The following TOR3A variants were observed in gnomAD, a reference collection of about 807,000 sequenced individuals.
The protein encoded by TOR3A is torsin family 3 member A.
TOR3A carries 44 observed loss-of-function variants against 42.1 expected under a neutral mutation model. The ratio of observed to expected loss-of-function variants is 1.04; its 90% CI spans 0.82 to 1.34. The LOEUF is 1.34. Ranked by LOEUF, TOR3A falls within the 40% of genes most tolerant of loss-of-function variation. The pLI, the probability that TOR3A is intolerant of heterozygous loss-of-function variation, is 0.00. For synonymous variants in TOR3A, 227 were observed against 213.2 expected, an observed-to-expected ratio of 1.06 and a Z score of -0.57; for missense variants, 521 against 507.6, an observed-to-expected ratio of 1.03 and a Z score of -0.25.
chr1:179,089,005 T>G (rs1652507578), intron 4 of TOR3A, among the ~76,000 whole-genome samples: 1 of 151,996 alleles, frequency 6.6e-6, no homozygotes, highest in Non-Finnish European at 1.5e-5. Flanking sequence ...GCTCACTTTG[T>G]GAGGATGGGG....
rs1652305915 is a variant in TOR3A at position 179,082,238 on chromosome 1, G to A, written c.110G>A (p.Gly37Asp). 3 of 1,525,904 alleles carry A rather than the reference G, an allele frequency of 2.0e-6. No individual in the cohort carries two copies. Among genetic ancestry groups the A allele is most frequent in the South Asian group, 1.2e-5 (1 of 82,204 alleles). 94.5% of individuals were successfully genotyped at this position (1,525,904 alleles called of 1,614,324 possible). The change falls in exon 1 of 6, where the codon GGC becomes GAC. Residue 37 changes from glycine to aspartate, a missense_variant. Gly to Asp is a moderately conservative substitution (Grantham distance 94). Coordinates refer to ENST00000367627, the MANE Select transcript of TOR3A (RefSeq NM_022371.4). Reference protein sequence around the residue: ...SRPWEGTDEPGSAWAWPGFQR... With the variant: ...SRPWEGTDEPDSAWAWPGFQR... ...CCGTGGGAGGGAACCGACGAGCCGG[G>A]CTCGGCCTGGGCCTGGCCGGGCTTC... is the stretch of plus-strand genomic sequence containing the variant.
rs1652513160 is a variant in TOR3A at position 179,089,178 on chromosome 1, G to C, written c.818+1089G>C. ...TCTACTAAAAATACAAAAATTAGCT[G>C]GGTGTGGTGGCAGGTGCCTGTAATC... On this transcript the variant is annotated intron_variant, in intron 4 of 5. Transcript: ENST00000367627. 3.3e-5 allele frequency among the ~76,000 whole-genome samples: 5 copies of C among 152,250 alleles called. No individual in the cohort carries two copies. In the South Asian group the frequency reaches 1.0e-3, roughly 32 times the overall value.
chr1:179,088,254 TC>T, intron 4 of TOR3A, 165 bp downstream of exon 4: 1 of 723,916 alleles, frequency 1.4e-6, no homozygotes, highest in Non-Finnish European at 2.0e-6. Flanking sequence ...ACGCCTGTAA[TC>T]CCAGCACTTT....
chr1:179,091,800 T>TGTGGGGAATGCAGG (rs1357811632), intron 4 of TOR3A: 1 of 152,562 alleles, frequency 6.6e-6, no homozygotes, highest in Non-Finnish European at 1.5e-5. Context: ...GCCTGCCTCC[T>TGTGGGGAATGCAGG]GTGGGGAATG....
At chr1:179,088,143 TGGCAGTGGA>T (rs1652486731) in intron 4 of TOR3A, 54 bp downstream of exon 4, 9 of 1,490,010 alleles carry the variant, frequency 6.0e-6, no homozygotes, top group Non-Finnish European at 7.2e-6. Context: ...AGATACTAGC[TGGCAGTGGA>T]GGCTTCCACA....
Position 179,087,945 on chromosome 1 carries a change from A to T in TOR3A, c.674A>T (p.Gln225Leu). Reference protein sequence around the residue: ...QLMSQIRETQQLCHQTLFIFD... With the variant: ...QLMSQIRETQLLCHQTLFIFD... ...ATGAGCCAGATCCGGGAGACGCAGCAGCTCTGCCACCAGACCCTGTTCATC... is the reference window on the plus strand; with the variant it reads ...ATGAGCCAGATCCGGGAGACGCAGCTGCTCTGCCACCAGACCCTGTTCATC... Residue 225 changes from glutamine to leucine, a missense_variant, in exon 4 of 6, where the codon CAG becomes CTG. Coordinates refer to ENST00000367627, the MANE Select transcript of TOR3A (RefSeq NM_022371.4). 1 of 1,606,188 alleles carries T rather than the reference A, an allele frequency of 6.2e-7. No homozygotes were observed. Among genetic ancestry groups the T allele is most frequent in the Non-Finnish European group, 8.5e-7 (1 of 1,176,312 alleles).
chr1:179,087,881 T>A, intron 3 of TOR3A, 30 bp from the exon 4 acceptor site: 1 of 1,515,004 alleles, frequency 6.6e-7, no homozygotes. Flanking sequence ...GAGTCACCAC[T>A]TCCCCAGCTG....
intron 4 of TOR3A, among the ~76,000 whole-genome samples, chr1:179,090,379 T>C (rs1332730643): frequency 3.3e-5 from 5 of 152,222 alleles, no homozygotes; most frequent in Non-Finnish European, 7.3e-5. Context: ...AGTCCAGCGA[T>C]GGCTGGGAGG....
At chr1:179,087,866 G>A (rs754734646) in intron 3 of TOR3A, 45 bp from the exon 4 acceptor site, 14 of 1,502,802 alleles carry the variant, frequency 9.3e-6, no homozygotes, top group Non-Finnish European at 1.2e-5. Context: ...GGCCGGAGGT[G>A]GAAGGAGTCA....
rs1442821359 is a variant in TOR3A, at chr1:179,095,445, T to C, written c.*227T>C. 1 of 1,390,022 alleles carries C rather than the reference T, an allele frequency of 7.2e-7. No individual in the cohort carries two copies. The highest frequency in any genetic ancestry group is 9.3e-7 in the Non-Finnish European group (1 of 1,075,650). 86.1% of individuals were successfully genotyped at this position (1,390,022 alleles called of 1,614,324 possible). A position where few individuals can be genotyped will look rare whatever the true frequency, so the allele number is the denominator to read the frequency against. ...CCACCGAGATAGATAGGAACTTGGA[T>C]TGCTGAATTCAAAAACAGAGCCCAT... On this transcript the variant is annotated 3_prime_UTR_variant, in exon 6 of 6. Transcript: ENST00000367627.
At chr1:179,089,859 C>T (rs187345297) in intron 4 of TOR3A, among the ~76,000 whole-genome samples, 46 of 152,266 alleles carry the variant, frequency 3.0e-4, no homozygotes, top group African/African-American at 1.0e-3. Flanking sequence ...TCCCTCTCCC[C>T]GAGACAGGGG....
In TOR3A at chr1:179,082,403, C is replaced by A; in HGVS notation, c.259+16C>A. On this transcript the variant is annotated intron_variant, in intron 1 of 5. Transcript: ENST00000367627. ...GGGCCCCTGGGTAAGACCCCGTCCC[C>A]ACGGTCCGCCGTTCGCTGCGGAGCA... The A allele has an allele frequency of 6.3e-7, 1 of 1,588,892 alleles. No individual in the cohort carries two copies. The highest frequency in any genetic ancestry group is 1.8e-5 in the Admixed American group (1 of 56,150).
rs776743917 is a variant in TOR3A at position 179,082,121 on chromosome 1, G to C, written c.-8G>C. ...GCAGCCGGATGGTCCCGCAGCTCGG[G>C]GCCGGCCATGCTTCGCGGTCCGTGG... On this transcript the variant is annotated 5_prime_UTR_variant, in exon 1 of 6. Coordinates refer to ENST00000367627, the MANE Select transcript of TOR3A (RefSeq NM_022371.4). 2.0e-6 allele frequency: 3 copies of C among 1,481,988 alleles called. No homozygotes were observed. The South Asian group carries it at 4.0e-5, about 20-fold the overall frequency. The allele number at this position is 1,481,988 out of a possible 1,614,324, so 91.8% of individuals were successfully genotyped here.
intron 4 of TOR3A, among the ~76,000 whole-genome samples, chr1:179,090,111 T>TGG (rs397961759): frequency 4.2e-4 from 12 of 28,524 alleles, no homozygotes; most frequent in South Asian, 1.6e-3. Flanking sequence ...GTGGGCGGGG[T>TGG]GGGGGGGGGG....
At chr1:179,089,865 A>G (rs1300429025) in intron 4 of TOR3A, among the ~76,000 whole-genome samples, 2 of 151,852 alleles carry the variant, frequency 1.3e-5, no homozygotes, top group Non-Finnish European at 2.9e-5. Flanking sequence ...TCCCCGAGAC[A>G]GGGGTCTCCC....
intron 4 of TOR3A, among the ~76,000 whole-genome samples, chr1:179,089,499 A>G (rs1223497160): frequency 4.6e-5 from 7 of 152,152 alleles, no homozygotes; most frequent in African/African-American, 1.7e-4. Flanking sequence ...GATCTCTTGC[A>G]TGATTTGGGT....
intron 2 of TOR3A, among the ~76,000 whole-genome samples, chr1:179,083,354 T>C (rs1391697120): frequency 3.3e-5 from 5 of 151,536 alleles, no homozygotes; most frequent in Admixed American, 1.3e-4. Context: ...CAGAGAGAAC[T>C]GATCAGAAAT....
intron 4 of TOR3A, among the ~76,000 whole-genome samples, chr1:179,089,438 C>T (rs1030989821): frequency 6.6e-5 from 10 of 151,674 alleles, no homozygotes; most frequent in Non-Finnish European, 1.5e-4. Context: ...AAATGCATTG[C>T]GAAGTGGGAG....
chr1:179,082,630 C>T, intron 1 of TOR3A: 1 of 716,620 alleles, frequency 1.4e-6, no homozygotes, highest in South Asian at 1.5e-5. Context: ...CCCGCCTCCC[C>T]TGATCCCTGC....
Sources: allele counts gnomAD v4.1 joint callset (sites outside exome capture counted in the v4.1 genomes callset), GRCh38; gene constraint gnomAD v4.1.1; transcripts MANE v1.5; gene names NCBI Gene and HGNC (gene_info 2026-07-23, HGNC 2026-07-21).